The following ATRNL1 variants were observed in gnomAD, a reference collection of about 807,000 sequenced individuals.
ATRNL1 encodes attractin-like protein 1.
In ATRNL1, 95 loss-of-function variants were observed where a neutral mutation model predicts 182.7. The observed-to-expected ratio is 0.52, with a 90% CI of 0.44 to 0.62. The LOEUF is 0.62. ATRNL1 is among the 20% of genes least tolerant of loss of function. The probability of loss-of-function intolerance (pLI) is 0.00; values close to 1 mark genes in which losing one functional copy is unlikely to be tolerated. For missense variants in ATRNL1, 1,471 were observed against 1,679.5 expected, an observed-to-expected ratio of 0.88 and a Z score of 2.17; for synonymous variants, 576 against 568.3, an observed-to-expected ratio of 1.01 and a Z score of -0.19.
chr10:115,110,898 TG>T (rs1844228837), intron 1 of ATRNL1, among the ~76,000 whole-genome samples: 2 of 152,168 alleles, frequency 1.3e-5, no homozygotes, highest in South Asian at 4.1e-4. Flanking sequence ...CTGCCATGAA[TG>T]GTTAGAATTA....
chr10:115,579,475 A>T (rs1854936663), intron 26 of ATRNL1, among the ~76,000 whole-genome samples: 1 of 151,814 alleles, frequency 6.6e-6, no homozygotes, highest in Non-Finnish European at 1.5e-5. Context: ...ATTATCGTTG[A>T]CCTTCTTTGT....
intron 28 of ATRNL1, among the ~76,000 whole-genome samples, chr10:115,895,204 T>C (rs1952176357): frequency 6.6e-6 from 1 of 152,222 alleles, no homozygotes; most frequent in Non-Finnish European, 1.5e-5. Flanking sequence ...CTAGCACTAA[T>C]AATCAGATAT....
intron 28 of ATRNL1, among the ~76,000 whole-genome samples, chr10:115,914,611 A>G (rs1952788040): frequency 1.3e-5 from 2 of 152,298 alleles, no homozygotes; most frequent in Non-Finnish European, 1.5e-5. Context: ...CTGTCACTTC[A>G]TTGCCTTTCA....
chr10:115,587,474 T>C (rs1329412514), intron 26 of ATRNL1, among the ~76,000 whole-genome samples: 8 of 151,900 alleles, frequency 5.3e-5, no homozygotes, highest in African/African-American at 1.9e-4. Flanking sequence ...TGCCGTTGTT[T>C]TAGCCCGTCG....
At chr10:115,537,739 T>A (rs1448856602) in intron 25 of ATRNL1, among the ~76,000 whole-genome samples, 1 of 151,982 alleles carries the variant, frequency 6.6e-6, no homozygotes, top group East Asian at 1.9e-4. Flanking sequence ...ATTTTAAAAT[T>A]TCTGTGCAGT....
At chr10:115,098,562 C>T (rs951455379) in intron 1 of ATRNL1, among the ~76,000 whole-genome samples, 2 of 147,862 alleles carry the variant, frequency 1.4e-5, no homozygotes, top group East Asian at 2.0e-4. Flanking sequence ...CCTGGGTTCA[C>T]GCCATTCTCC....
intron 5 of ATRNL1, among the ~76,000 whole-genome samples, chr10:115,152,059 T>C (rs1464474022): frequency 1.3e-5 from 2 of 152,196 alleles, no homozygotes; most frequent in Non-Finnish European, 2.9e-5. Flanking sequence ...CTCTGCTCTG[T>C]TCCATTGATC....
intron 24 of ATRNL1, among the ~76,000 whole-genome samples, chr10:115,483,136 G>T (rs1554974504): frequency 6.6e-6 from 1 of 151,260 alleles, no homozygotes; most frequent in African/African-American, 2.4e-5. Context: ...AATGGAAAAA[G>T]AAACTTATTG....
chr10:115,469,030 CTT>C, intron 23 of ATRNL1, 140 bp from the exon 24 acceptor site: 1 of 336,176 alleles, frequency 3.0e-6, no homozygotes, highest in Non-Finnish European at 5.3e-6. Flanking sequence ...TTATGGCAAA[CTT>C]ATTTTCCTTC....
intron 26 of ATRNL1, among the ~76,000 whole-genome samples, chr10:115,579,461 T>A (rs1315499705): frequency 1.3e-5 from 2 of 151,884 alleles, no homozygotes; most frequent in Non-Finnish European, 2.9e-5. Flanking sequence ...ATTGACTTTC[T>A]GTGATTATCG....
intron 26 of ATRNL1, among the ~76,000 whole-genome samples, chr10:115,587,329 T>C (rs1445503524): frequency 6.6e-6 from 1 of 152,118 alleles, no homozygotes; most frequent in Non-Finnish European, 1.5e-5. Context: ...TGACCAAGCC[T>C]TGGCAATGGC....
At chr10:115,890,720 A>G (rs1365777178) in intron 28 of ATRNL1, among the ~76,000 whole-genome samples, 1 of 152,182 alleles carries the variant, frequency 6.6e-6, no homozygotes, top group Non-Finnish European at 1.5e-5. Context: ...CCTAAGAAAT[A>G]TAGCCCCGTA....
intron 19 of ATRNL1, among the ~76,000 whole-genome samples, chr10:115,384,533 A>G (rs1858224422): frequency 6.6e-6 from 1 of 152,074 alleles, no homozygotes; most frequent in Admixed American, 6.5e-5. Context: ...AAATGAAAGC[A>G]GTCATGTATA....
intron 8 of ATRNL1, among the ~76,000 whole-genome samples, chr10:115,197,284 C>T (rs554427369): frequency 1.3e-5 from 2 of 152,010 alleles, no homozygotes; most frequent in South Asian, 4.2e-4. Context: ...TTGCTAAAAT[C>T]TTAAAGACTT....
intron 12 of ATRNL1, among the ~76,000 whole-genome samples, 198 bp from the exon 13 acceptor site, chr10:115,268,128 G>A (rs1256671646): frequency 3.3e-5 from 5 of 152,036 alleles, no homozygotes; most frequent in Non-Finnish European, 7.4e-5. Flanking sequence ...GGGGTAAAAG[G>A]TCTCGAAAAT....
intron 8 of ATRNL1, among the ~76,000 whole-genome samples, chr10:115,200,990 A>G (rs1197862147): frequency 6.7e-6 from 1 of 148,390 alleles, no homozygotes; most frequent in Non-Finnish European, 1.5e-5. Context: ...GATGATGAGC[A>G]TTTTTTCATG....
intron 26 of ATRNL1, among the ~76,000 whole-genome samples, chr10:115,688,253 A>C (rs1273011012): frequency 6.6e-6 from 1 of 152,144 alleles, no homozygotes. Context: ...TAGCTTTGCT[A>C]TCACGAACAT....
intron 11 of ATRNL1, among the ~76,000 whole-genome samples, chr10:115,266,253 A>G (rs1851603282): frequency 6.6e-6 from 1 of 151,764 alleles, no homozygotes; most frequent in Admixed American, 6.6e-5. Context: ...AATTTAAAAA[A>G]TCTTTTTGAT....
chr10:115,243,441 T>C (rs1850505178), intron 10 of ATRNL1, among the ~76,000 whole-genome samples: 2 of 152,096 alleles, frequency 1.3e-5, no homozygotes, highest in African/African-American at 4.8e-5. Flanking sequence ...GTAATTTATA[T>C]ACAAAATCTT....
Sources: gnomAD v4.1 joint callset for allele counts (sites outside exome capture counted in the v4.1 genomes callset) on GRCh38, gnomAD v4.1.1 for gene constraint, MANE v1.5 for transcripts, NCBI Gene and HGNC (gene_info 2026-07-23, HGNC 2026-07-21) for gene names.